Variants in RBFOX3 observed in about 807,000 individuals in gnomAD.
RBFOX3 encodes the protein RNA binding protein fox-1 homolog 3.
A neutral mutation model predicts 48.7 loss-of-function variants in RBFOX3; 17 were observed. That is an observed-to-expected ratio of 0.35 (90% CI 0.24 to 0.52). The LOEUF (loss-of-function observed/expected upper bound fraction) is 0.52. Ranked by LOEUF, RBFOX3 falls within the 20% of genes least tolerant of loss-of-function variation. The pLI, the probability that RBFOX3 is intolerant of heterozygous loss-of-function variation, is 0.94. For synonymous variants in RBFOX3, 212 were observed against 209.5 expected (o/e 1.01, Z -0.10); for missense variants, 382 against 497.5 (o/e 0.77, Z 2.21).
chr17:79,228,828 C>T (rs549399831), intron 4 of RBFOX3, among the ~76,000 whole-genome samples: 33 of 152,296 alleles, frequency 2.2e-4, no homozygotes, highest in African/African-American at 5.8e-4. Context: ...GCATACCAAG[C>T]GCTCCTGCCA....
chr17:79,325,996 T>C (rs941420703), intron 2 of RBFOX3, among the ~76,000 whole-genome samples: 1 of 151,796 alleles, frequency 6.6e-6, no homozygotes, highest in East Asian at 1.9e-4. Context: ...GCTAGAAGAG[T>C]GTCCATTACT....
At chr17:79,353,564 C>T (rs2084369465) in intron 2 of RBFOX3, among the ~76,000 whole-genome samples, 1 of 152,224 alleles carries the variant, frequency 6.6e-6, no homozygotes, top group Non-Finnish European at 1.5e-5. Context: ...GAGAAATACC[C>T]ATCACTCATG....
At chr17:79,606,630 C>A (rs932424777) in intron 1 of RBFOX3, among the ~76,000 whole-genome samples, 3 of 152,180 alleles carry the variant, frequency 2.0e-5, no homozygotes, top group Non-Finnish European at 4.4e-5. Flanking sequence ...AAGTGCATTG[C>A]ACTTAAAAAT....
At chr17:79,402,549 G>C (rs369249320) in intron 2 of RBFOX3, among the ~76,000 whole-genome samples, 1 of 152,188 alleles carries the variant, frequency 6.6e-6, no homozygotes. Context: ...GGGGCCCCGC[G>C]GGGCGGACAC....
chr17:79,428,889 T>C (rs960325195), intron 2 of RBFOX3, among the ~76,000 whole-genome samples: 2 of 152,216 alleles, frequency 1.3e-5, no homozygotes, highest in Non-Finnish European at 2.9e-5. Context: ...AGTCATATAG[T>C]ATTTGCACAG....
the RBFOX3 span, among the ~76,000 whole-genome samples, chr17:79,637,524 T>C: frequency 6.6e-6 from 1 of 151,746 alleles, no homozygotes; most frequent in African/African-American, 2.4e-5. Context: ...TGAAACCCCG[T>C]TTCTATTAAA....
chr17:79,108,711 G>A (rs2707029), intron 5 of RBFOX3, among the ~76,000 whole-genome samples: 51,186 of 152,202 alleles, frequency 0.34, 8,661 homozygotes, highest in Middle Eastern at 0.4. Context: ...CTGCATTTCC[G>A]CATGTAGCCA....
intron 1 of RBFOX3, among the ~76,000 whole-genome samples, chr17:79,531,885 C>T (rs968879291): frequency 2.0e-5 from 3 of 152,294 alleles, no homozygotes; most frequent in South Asian, 2.1e-4. Flanking sequence ...CACAGCTGAC[C>T]GCCAGGCCGC....
At chr17:79,203,777 A>T (rs1156431349) in intron 4 of RBFOX3, among the ~76,000 whole-genome samples, 1 of 152,104 alleles carries the variant, frequency 6.6e-6, no homozygotes, top group Non-Finnish European at 1.5e-5. Context: ...TTTGTCTCCT[A>T]AAGCCCAGGA....
intron 5 of RBFOX3, among the ~76,000 whole-genome samples, chr17:79,112,918 G>GGGGGGGGGGGGGGGGCC (rs2032478069): frequency 1.2e-5 from 1 of 86,486 alleles, no homozygotes; most frequent in Admixed American, 1.2e-4. Flanking sequence ...GGGGGGGTGG[G>GGGGGGGGGGGGGGGGCC]CTGGGTAGGA....
chr17:79,399,532 T>A (rs1351228963), intron 2 of RBFOX3, among the ~76,000 whole-genome samples: 4 of 151,982 alleles, frequency 2.6e-5, no homozygotes, highest in Admixed American at 6.5e-5. Flanking sequence ...CTTTTCACCA[T>A]CAGGGGTCAT....
At chr17:79,208,515 TC>T (rs2057857119) in intron 4 of RBFOX3, 1 of 152,270 alleles carries the variant, frequency 6.6e-6, no homozygotes, top group Non-Finnish European at 1.5e-5. Context: ...TCTGGCTGTT[TC>T]CCCAGGTGGT....
At chr17:79,637,796 GGGAAGGGAA>G in the RBFOX3 span, among the ~76,000 whole-genome samples, 1 of 5,066 alleles carries the variant, frequency 2.0e-4, no homozygotes, top group African/African-American at 2.3e-4. Context: ...GGGAAGAGAA[GGGAAGGGAA>G]GGGAAGGGAA....
chr17:79,519,438 C>G (rs1350904023), intron 1 of RBFOX3, among the ~76,000 whole-genome samples: 2 of 152,246 alleles, frequency 1.3e-5, no homozygotes, highest in Non-Finnish European at 1.5e-5. Context: ...TAGCCAGGAC[C>G]AGGGTGGGTA....
At chr17:79,402,783 G>A (rs1324080025) in intron 2 of RBFOX3, among the ~76,000 whole-genome samples, 2 of 152,202 alleles carry the variant, frequency 1.3e-5, no homozygotes, top group African/African-American at 4.8e-5. Flanking sequence ...CCCGGGGTCA[G>A]AGCCAGTGCA....
intron 2 of RBFOX3, among the ~76,000 whole-genome samples, chr17:79,476,791 C>T (rs1026060796): frequency 3.3e-5 from 5 of 151,262 alleles, no homozygotes; most frequent in South Asian, 2.1e-4. Context: ...GCCTGAAGTG[C>T]ACACAATTCC....
intron 4 of RBFOX3, among the ~76,000 whole-genome samples, chr17:79,120,970 CCT>C (rs1314729178): frequency 6.6e-6 from 1 of 152,058 alleles, no homozygotes; most frequent in Non-Finnish European, 1.5e-5. Flanking sequence ...ATGACCACCC[CCT>C]GCCATGGGCC....
At chr17:79,267,381 G>A (rs994413066) in intron 3 of RBFOX3, among the ~76,000 whole-genome samples, 10 of 152,032 alleles carry the variant, frequency 6.6e-5, no homozygotes, top group African/African-American at 2.4e-4. Context: ...AGATGCCCAT[G>A]TCACTCTCTC....
chr17:79,236,703 C>T (rs948670300), intron 3 of RBFOX3, among the ~76,000 whole-genome samples: 1 of 152,166 alleles, frequency 6.6e-6, no homozygotes, highest in Non-Finnish European at 1.5e-5. Context: ...CTGGCAAGGA[C>T]CACCACTCAC....
Sources: allele counts gnomAD v4.1 joint callset (sites outside exome capture counted in the v4.1 genomes callset), GRCh38; gene constraint gnomAD v4.1.1; transcripts MANE v1.5; gene names NCBI Gene and HGNC (gene_info 2026-07-23, HGNC 2026-07-21).